Variants in LINGO2 observed in about 807,000 individuals in gnomAD.
LINGO2 encodes leucine rich repeat and Ig domain containing 2, also known as leucine-rich repeat and immunoglobulin-like domain-containing nogo receptor-interacting protein 2.
LINGO2 carries 14 observed loss-of-function variants against 30.6 expected under a neutral mutation model. The observed-to-expected ratio is 0.46, with a 90% CI of 0.30 to 0.72. LINGO2 has a LOEUF of 0.72. LINGO2 is among the 30% of genes least tolerant of loss of function. LINGO2 has a pLI of 0.07. For missense variants in LINGO2, 729 were observed against 751.7 expected (o/e 0.97, Z 0.35); for synonymous variants, 317 against 288.5 (o/e 1.10, Z -1.00).
chr9:29,107,280 T>C, the LINGO2 span, among the ~76,000 whole-genome samples: 1 of 152,142 alleles, frequency 6.6e-6, no homozygotes, highest in Non-Finnish European at 1.5e-5. Context: ...TACCTAAAAG[T>C]ACTTTTGTAA....
At chr9:28,557,277 A>C (rs1391404998) in intron 1 of LINGO2, among the ~76,000 whole-genome samples, 1 of 151,982 alleles carries the variant, frequency 6.6e-6, no homozygotes, top group Non-Finnish European at 1.5e-5. Flanking sequence ...CAGAATCTAC[A>C]ATGAACTCCA....
the LINGO2 span, among the ~76,000 whole-genome samples, chr9:29,152,780 C>A: frequency 6.6e-6 from 1 of 152,018 alleles, no homozygotes. Flanking sequence ...CATGTACCCC[C>A]TGAATGAAAA....
chr9:28,918,009 C>A, the LINGO2 span, among the ~76,000 whole-genome samples: 5 of 152,092 alleles, frequency 3.3e-5, no homozygotes, highest in Non-Finnish European at 7.3e-5. Context: ...ACTAACAGAT[C>A]CCTAAGGTAT....
chr9:29,004,051 C>T, the LINGO2 span, among the ~76,000 whole-genome samples: 1 of 151,918 alleles, frequency 6.6e-6, no homozygotes, highest in South Asian at 2.1e-4. Context: ...AAGCCAAAGC[C>T]CAGTTGACTG....
chr9:29,202,501 T>C, the LINGO2 span, among the ~76,000 whole-genome samples: 7 of 152,184 alleles, frequency 4.6e-5, no homozygotes, highest in East Asian at 1.3e-3. Context: ...TATAAAGTGA[T>C]CTTATACTTG....
the LINGO2 span, among the ~76,000 whole-genome samples, chr9:29,029,244 C>G: frequency 3.7e-3 from 558 of 152,212 alleles, 2 homozygotes; most frequent in African/African-American, 0.013. Flanking sequence ...AGGTTTAAAA[C>G]CTGCCTGAGT....
At chr9:27,947,795 C>T (rs1486242730), downstream of LINGO2, among the ~76,000 whole-genome samples, 1 of 152,188 alleles carries the variant, frequency 6.6e-6, no homozygotes. Flanking sequence ...CTTTCTTATT[C>T]AGAGAGCTTT....
chr9:28,480,740 CTTACT>C (rs958933658), intron 1 of LINGO2, among the ~76,000 whole-genome samples: 3 of 152,038 alleles, frequency 2.0e-5, no homozygotes, highest in African/African-American at 4.8e-5. Flanking sequence ...ATCCAATTTT[CTTACT>C]TTATTTTACT....
chr9:29,111,893 A>ATATGTGTGTATATATACATATATTTATT, the LINGO2 span, among the ~76,000 whole-genome samples: 1 of 150,228 alleles, frequency 6.7e-6, no homozygotes. Flanking sequence ...ATATATTTAT[A>ATATGTGTGTATATATACATATATTTATT]TATGTGTGTA....
chr9:28,786,094 C>G, the LINGO2 span, among the ~76,000 whole-genome samples: 1 of 152,192 alleles, frequency 6.6e-6, no homozygotes, highest in Non-Finnish European at 1.5e-5. Context: ...TCACATTTCT[C>G]AAGGCCTGCT....
chr9:28,671,204 C>T (rs1048495073), upstream of LINGO2, among the ~76,000 whole-genome samples: 8 of 152,006 alleles, frequency 5.3e-5, no homozygotes, highest in East Asian at 1.9e-4. Flanking sequence ...GCACCATGGA[C>T]GTCTGCTCGA....
chr9:28,038,476 G>A (rs921600527), intron 4 of LINGO2, among the ~76,000 whole-genome samples: 5 of 152,014 alleles, frequency 3.3e-5, no homozygotes, highest in Non-Finnish European at 5.9e-5. Flanking sequence ...GGCGGATCAC[G>A]AGGTCAGGAG....
chr9:28,055,863 GA>G (rs1824912614), intron 4 of LINGO2, among the ~76,000 whole-genome samples: 1 of 152,060 alleles, frequency 6.6e-6, no homozygotes, highest in Non-Finnish European at 1.5e-5. Context: ...CTTTGGTTTC[GA>G]AGGAGGCATT....
intron 4 of LINGO2, among the ~76,000 whole-genome samples, chr9:28,279,923 T>C (rs1028884003): frequency 1.3e-5 from 2 of 152,188 alleles, no homozygotes; most frequent in Non-Finnish European, 2.9e-5. Flanking sequence ...ATTTATTTCA[T>C]CATTTTATAA....
At chr9:28,243,153 C>T (rs10812763) in intron 4 of LINGO2, among the ~76,000 whole-genome samples, 20,880 of 151,958 alleles carry the variant, frequency 0.14, 1,630 homozygotes, top group African/African-American at 0.21. Flanking sequence ...GGTCTAAATG[C>T]CCCAGTTAAA....
the LINGO2 span, among the ~76,000 whole-genome samples, chr9:28,738,989 AAT>A: frequency 2.0e-5 from 3 of 152,032 alleles, no homozygotes; most frequent in Non-Finnish European, 2.9e-5. Context: ...GCGTTTTGTC[AAT>A]TTTAATACAT....
chr9:28,364,865 A>G (rs747725835), intron 3 of LINGO2, among the ~76,000 whole-genome samples: 9 of 152,220 alleles, frequency 5.9e-5, no homozygotes, highest in Non-Finnish European at 1.2e-4. Context: ...ACTATGGCCT[A>G]TATTCTCATT....
At chr9:28,969,447 C>A in the LINGO2 span, among the ~76,000 whole-genome samples, 1 of 152,076 alleles carries the variant, frequency 6.6e-6, no homozygotes, top group Non-Finnish European at 1.5e-5. Context: ...TAAAAGGTAA[C>A]GGGACATAGT....
intron 2 of LINGO2, among the ~76,000 whole-genome samples, chr9:28,444,085 T>C (rs1824309881): frequency 6.6e-6 from 1 of 152,148 alleles, no homozygotes; most frequent in African/African-American, 2.4e-5. Context: ...CTGAGAGCTG[T>C]TCCGTCACTC....
Sources: allele counts gnomAD v4.1 joint callset (sites outside exome capture counted in the v4.1 genomes callset), GRCh38; gene constraint gnomAD v4.1.1; transcripts MANE v1.5; gene names NCBI Gene and HGNC (gene_info 2026-07-23, HGNC 2026-07-21).